MACC1: variants seen among roughly 807,000 people sequenced by gnomAD.
The protein encoded by MACC1 is MET transcriptional regulator MACC1.
MACC1 carries 79 observed loss-of-function variants against 70.7 expected under a neutral mutation model. The observed-to-expected ratio is 1.12, with a 90% CI of 0.93 to 1.35. The LOEUF (loss-of-function observed/expected upper bound fraction) is 1.35. MACC1 is among the 40% of genes most tolerant of loss of function. The pLI is 0.00. For synonymous variants in MACC1, 361 were observed against 347.2 expected, an observed-to-expected ratio of 1.04 and a Z score of -0.44; for missense variants, 1,106 against 978.1, an observed-to-expected ratio of 1.13 and a Z score of -1.74.
Position 20,158,914 on chromosome 7 carries a change from A to C in MACC1, c.1447T>G (p.Phe483Val), listed in dbSNP as rs1782097873. The C allele has an allele frequency of 6.2e-7, 1 of 1,614,026 alleles. No homozygotes were observed. Among genetic ancestry groups the C allele is most frequent in the East Asian group, 2.2e-5 (1 of 44,882 alleles). ...GGCTCCACTTGAACACAAAAATCAA[A>C]CAAGTGCATCTCTCTGTGCTCAACT... is the stretch of plus-strand genomic sequence containing the variant. ...SLVEHREMHL[F>V]DFCVQVEPPN... Residue 483 changes from phenylalanine to valine, a missense_variant, in exon 5 of 7, where the codon TTT becomes GTT. Phe to Val is a conservative substitution (Grantham distance 50). Coordinates refer to ENST00000400331, the MANE Select transcript of MACC1 (RefSeq NM_182762.4).
At chr7:20,176,324 G>A (rs915389217) in intron 1 of MACC1, among the ~76,000 whole-genome samples, 16 of 151,984 alleles carry the variant, frequency 1.1e-4, no homozygotes, top group African/African-American at 3.4e-4. Flanking sequence ...CTATACATGA[G>A]ATAAAATGGC....
intron 1 of MACC1, among the ~76,000 whole-genome samples, chr7:20,182,933 G>T (rs1442785355): frequency 1.3e-5 from 2 of 152,178 alleles, no homozygotes; most frequent in Non-Finnish European, 2.9e-5. Flanking sequence ...ATTCTGTAAA[G>T]ATCTCAATTT....
intron 1 of MACC1, among the ~76,000 whole-genome samples, chr7:20,212,371 T>G (rs1265295382): frequency 6.6e-6 from 1 of 152,206 alleles, no homozygotes; most frequent in African/African-American, 2.4e-5. Context: ...TTTCTGTTTA[T>G]TCCAAGGAAG....
chr7:20,152,618 G>A, intron 6 of MACC1, among the ~76,000 whole-genome samples: 1 of 152,058 alleles, frequency 6.6e-6, no homozygotes, highest in East Asian at 1.9e-4. Context: ...GACACCTAGG[G>A]GCTTTCCTTT....
intron 1 of MACC1, among the ~76,000 whole-genome samples, chr7:20,175,125 T>C (rs1782371624): frequency 6.6e-6 from 1 of 152,092 alleles, no homozygotes; most frequent in African/African-American, 2.4e-5. Context: ...AAAGATATCA[T>C]CTACTCTGAG....
intron 1 of MACC1, among the ~76,000 whole-genome samples, chr7:20,207,972 C>T (rs1415062563): frequency 2.6e-5 from 4 of 152,138 alleles, no homozygotes; most frequent in Non-Finnish European, 5.9e-5. Flanking sequence ...TTCCCCCATG[C>T]TGTTCTAATG....
chr7:20,169,946 A>C (rs1782279048), intron 2 of MACC1, among the ~76,000 whole-genome samples: 1 of 152,180 alleles, frequency 6.6e-6, no homozygotes, highest in Non-Finnish European at 1.5e-5. Context: ...AACTGGGCCC[A>C]TTCAAGAATC....
At chr7:20,165,032 T>G (rs1401562280) in intron 2 of MACC1, among the ~76,000 whole-genome samples, 1 of 152,106 alleles carries the variant, frequency 6.6e-6, no homozygotes, top group Non-Finnish European at 1.5e-5. Flanking sequence ...AAACCAGGAA[T>G]GATGCCTTAC....
At chr7:20,144,245 T>C (rs1218866060) in intron 6 of MACC1, among the ~76,000 whole-genome samples, 1 of 152,230 alleles carries the variant, frequency 6.6e-6, no homozygotes, top group Non-Finnish European at 1.5e-5. Flanking sequence ...ACTCTTGCTT[T>C]TAGAAGCTTA....
intron 5 of MACC1, among the ~76,000 whole-genome samples, chr7:20,155,022 A>T (rs2128102014): frequency 6.6e-6 from 1 of 152,192 alleles, no homozygotes; most frequent in East Asian, 1.9e-4. Context: ...GGTATTAAAC[A>T]TAAAGTACAA....
intron 1 of MACC1, among the ~76,000 whole-genome samples, chr7:20,204,376 G>A (rs938184381): frequency 1.3e-5 from 2 of 152,116 alleles, no homozygotes; most frequent in Non-Finnish European, 2.9e-5. Context: ...GGATGGTCTC[G>A]ATCTCCTGAC....
At chr7:20,166,532 T>C (rs1782222400) in intron 2 of MACC1, among the ~76,000 whole-genome samples, 1 of 152,198 alleles carries the variant, frequency 6.6e-6, no homozygotes, top group Non-Finnish European at 1.5e-5. Flanking sequence ...ACAAGCATAC[T>C]TTCTCCCAGT....
intron 1 of MACC1, among the ~76,000 whole-genome samples, chr7:20,202,507 C>T (rs775154636): frequency 3.3e-5 from 5 of 152,118 alleles, no homozygotes; most frequent in East Asian, 3.8e-4. Flanking sequence ...AAAACCTGAT[C>T]GAGCTTCTAA....
At chr7:20,213,630 T>C (rs929348442) in intron 1 of MACC1, among the ~76,000 whole-genome samples, 3 of 152,158 alleles carry the variant, frequency 2.0e-5, no homozygotes, top group African/African-American at 7.2e-5. Flanking sequence ...TGCAGGGACA[T>C]GGATGGGGCT....
intron 5 of MACC1, 37 bp downstream of exon 5, chr7:20,158,167 C>G (rs369916268): frequency 6.6e-7 from 1 of 1,523,552 alleles, no homozygotes. Context: ...ATACAATTCT[C>G]GATGGCAATT....
chr7:20,201,660 A>G (rs948789058), intron 1 of MACC1, among the ~76,000 whole-genome samples: 13 of 152,208 alleles, frequency 8.5e-5, no homozygotes, highest in Admixed American at 8.5e-4. Context: ...TTGAAGCAGA[A>G]CTAGAGACAA....
chr7:20,164,891 CTCT>C lies in MACC1; in HGVS notation c.-152-495_-152-493del, dbSNP rs1375678237. The stretch of plus-strand genomic sequence containing the variant: ...AAATCAACTTAGTAAACTACCTAAA[CTCT>C]TTTTTTTTTTATGAGGAAAGAGCAA... On this transcript the variant is annotated intron_variant, in intron 2 of 6. Coordinates refer to ENST00000400331, the MANE Select transcript of MACC1 (RefSeq NM_182762.4). Among the ~76,000 whole-genome samples the C allele has an allele frequency of 3.1e-5, 3 of 96,478 alleles. No homozygotes were observed. The East Asian group carries it at 2.1e-3, about 67-fold the overall frequency. 63.3% of individuals were successfully genotyped at this position (96,478 alleles called of 152,430 possible).
chr7:20,180,937 A>G lies in MACC1; in HGVS notation c.-217-10159T>C, dbSNP rs1782494774. Among the ~76,000 whole-genome samples, 3 of 152,194 alleles carry G rather than the reference A, an allele frequency of 2.0e-5. No individual in the cohort carries two copies. The South Asian group carries it at 6.2e-4, about 32-fold the overall frequency. ...AAATGTTTATGAAATATGTATAGAA[A>G]TAAAGGAAACTAAAACAAAATCACA... On this transcript the variant is annotated intron_variant, in intron 1 of 6. Transcript: ENST00000400331.
At chr7:20,203,331 A>G (rs1372026783) in intron 1 of MACC1, among the ~76,000 whole-genome samples, 1 of 152,092 alleles carries the variant, frequency 6.6e-6, no homozygotes, top group Non-Finnish European at 1.5e-5. Flanking sequence ...CTAACTAGCT[A>G]CTGCTGCTAC....
Sources: allele counts gnomAD v4.1 joint callset (sites outside exome capture counted in the v4.1 genomes callset), GRCh38; gene constraint gnomAD v4.1.1; transcripts MANE v1.5; gene names NCBI Gene and HGNC (gene_info 2026-07-23, HGNC 2026-07-21).